Variants in CCDC63 observed in about 807,000 individuals in gnomAD.
The protein encoded by CCDC63 is coiled-coil domain containing 63.
A neutral mutation model predicts 63.6 loss-of-function variants in CCDC63; 54 were observed. The observed-to-expected ratio is 0.85, with a 90% CI of 0.68 to 1.07. The LOEUF (loss-of-function observed/expected upper bound fraction) is 1.07, where lower values mean the gene tolerates loss of function less well. Among genes scored for constraint, CCDC63 ranks in the 50% least tolerant of loss-of-function variants. CCDC63 has a pLI of 0.00. For synonymous variants in CCDC63, 253 were observed against 266.1 expected (o/e 0.95, Z 0.48); for missense variants, 637 against 689.6 (o/e 0.92, Z 0.86).
chr12:110,847,602 C>T (rs1179669123), intron 1 of CCDC63, among the ~76,000 whole-genome samples: 3 of 151,726 alleles, frequency 2.0e-5, no homozygotes, highest in Non-Finnish European at 4.4e-5. Context: ...TATTTTCCTC[C>T]CATAATAATC....
At chr12:110,875,100 A>G (rs1406214740) in intron 5 of CCDC63, among the ~76,000 whole-genome samples, 1 of 152,180 alleles carries the variant, frequency 6.6e-6, no homozygotes, top group Non-Finnish European at 1.5e-5. Context: ...GTGGGAGCTA[A>G]TTGGATCTGA....
rs869085659 is a variant in CCDC63, at chr12:110,877,704, C to CTT, written c.490-2200_490-2199dup. 1.3e-4 allele frequency among the ~76,000 whole-genome samples: 19 copies of CTT among 142,996 alleles called. 1 individual carries two copies. The highest frequency in any genetic ancestry group is 4.5e-4 in the African/African-American group (17 of 37,902). 93.8% of individuals were successfully genotyped at this position (142,996 alleles called of 152,430 possible). ...TATCTCTGTATATTTGACTTTCTTTCTTTCTTTTTTTTTTTTTTTGAGACT... is the reference window on the plus strand; with the variant it reads ...TATCTCTGTATATTTGACTTTCTTTCTTTTTCTTTTTTTTTTTTTTTGAGACT... On this transcript the variant is annotated intron_variant, in intron 5 of 11. Transcript: ENST00000308208.
At position 110,881,169 on chromosome 12, in the gene CCDC63, C is replaced by T. The variant is rs529799697; in HGVS notation, c.726C>T (p.Thr242=). ...AAMKDRQKKD[T]SQYNLEIREL... ...TGAAAGACCGCCAGAAGAAGGACAC[C>T]TCTCAGTACAACCTGGAGATCCGAG... The change falls in exon 7 of 12, where the codon ACC becomes ACT. Residue 242 remains threonine (T), a synonymous_variant. Coordinates refer to ENST00000308208, the MANE Select transcript of CCDC63 (RefSeq NM_152591.3). 2 of 1,613,116 alleles carry T rather than the reference C, an allele frequency of 1.2e-6. No homozygotes were observed. The highest frequency in any genetic ancestry group is 2.7e-5 in the African/African-American group (2 of 74,970).
chr12:110,850,063 CT>C (rs149174741), intron 1 of CCDC63, among the ~76,000 whole-genome samples: 95 of 152,362 alleles, frequency 6.2e-4, no homozygotes, highest in Non-Finnish European at 1.1e-3. Flanking sequence ...CCACATTTCA[CT>C]GGCTTAACAC....
chr12:110,880,028 GAT>G lies in CCDC63; in HGVS notation c.613_614del (p.Met205GlyfsTer10). On this transcript the variant is annotated frameshift_variant, in exon 6 of 12. Coordinates refer to ENST00000308208, the MANE Select transcript of CCDC63 (RefSeq NM_152591.3). LOFTEE classifies it high-confidence loss of function. ...ACCAGCAGCTCCAGCACTGCCTGTT[GAT>G]GGAGAAGAAAACCATGAACTTGGCC... ...VYQQLQHCLL[M>X]EKKTMNLAIE... 1.9e-6 allele frequency: 3 copies of G among 1,614,162 alleles called. No individual in the cohort carries two copies. Among genetic ancestry groups the G allele is most frequent in the Non-Finnish European group, 2.5e-6 (3 of 1,180,016 alleles).
chr12:110,862,728 G>C (rs968749554), intron 4 of CCDC63, among the ~76,000 whole-genome samples: 1 of 151,500 alleles, frequency 6.6e-6, no homozygotes, highest in African/African-American at 2.4e-5. Context: ...AAACAAATTG[G>C]TTGTTTTCTT....
At chr12:110,895,353 G>C (rs2071405407) in intron 9 of CCDC63, among the ~76,000 whole-genome samples, 1 of 152,206 alleles carries the variant, frequency 6.6e-6, no homozygotes, top group South Asian at 2.1e-4. Context: ...GACCTTAGGT[G>C]ATCCGCCCGC....
chr12:110,887,118 TA>T (rs1593683975), intron 8 of CCDC63, among the ~76,000 whole-genome samples: 1 of 151,966 alleles, frequency 6.6e-6, no homozygotes, highest in African/African-American at 2.4e-5. Context: ...ACTTTTTTTT[TA>T]AATTTTCTTT....
rs573479498 is a variant in CCDC63, at chr12:110,886,310, C to G, written c.1074+2060C>G. On this transcript the variant is annotated intron_variant, in intron 8 of 11. Transcript: ENST00000308208. ...CTGAGGCAGGAGAATCCTTTGAACC[C>G]GGGAGGTGGAGGTTGCAGTGAGCCG... 8.1e-4 allele frequency among the ~76,000 whole-genome samples: 123 copies of G among 151,930 alleles called. 1 individual carries two copies. Among genetic ancestry groups the G allele is most frequent in the Non-Finnish European group, 1.4e-3 (97 of 67,946 alleles).
chr12:110,904,797 T>A lies in CCDC63; in HGVS notation c.1546+6T>A, dbSNP rs1566143638. The A allele has an allele frequency of 6.2e-7, 1 of 1,600,932 alleles. No homozygotes were observed. The highest frequency in any genetic ancestry group is 1.7e-5 in the Admixed American group (1 of 57,210). ...CAGCGACAGGTTGGATGATGGTGAG[T>A]TCTCTCTCTCTCAATCTGCACAGGT... On this transcript the variant is annotated splice_donor_region_variant and intron_variant, in intron 11 of 11. Coordinates refer to ENST00000308208, the MANE Select transcript of CCDC63 (RefSeq NM_152591.3).
chr12:110,850,841 G>A (rs184091879), intron 1 of CCDC63, among the ~76,000 whole-genome samples: 16 of 152,260 alleles, frequency 1.1e-4, no homozygotes, highest in East Asian at 7.7e-4. Context: ...ATACTTGAGC[G>A]CAAATCGTTT....
chr12:110,890,170 G>A (rs769034363), intron 8 of CCDC63, among the ~76,000 whole-genome samples: 4 of 152,064 alleles, frequency 2.6e-5, no homozygotes, highest in Non-Finnish European at 4.4e-5. Flanking sequence ...TGGGTGTGAT[G>A]GTGTGTGCCT....
At chr12:110,856,993 C>G (rs1227801397) in intron 3 of CCDC63, among the ~76,000 whole-genome samples, 1 of 151,768 alleles carries the variant, frequency 6.6e-6, no homozygotes, top group East Asian at 1.9e-4. Context: ...TCTGTAGAGA[C>G]AGGGCCTCAC....
At chr12:110,868,617 A>G (rs1173238747) in intron 4 of CCDC63, among the ~76,000 whole-genome samples, 1 of 151,472 alleles carries the variant, frequency 6.6e-6, no homozygotes, top group African/African-American at 2.4e-5. Flanking sequence ...GGCATTCGGC[A>G]GACTGAGGCA....
chr12:110,867,690 G>T (rs1250941590), intron 4 of CCDC63, among the ~76,000 whole-genome samples: 6 of 96,508 alleles, frequency 6.2e-5, no homozygotes, highest in Non-Finnish European at 1.3e-4. Context: ...GGGGCGGCTG[G>T]CCGGGCGGAG....
intron 10 of CCDC63, 70 bp downstream of exon 10, chr12:110,899,195 C>G (rs190560353): frequency 1.0e-5 from 14 of 1,389,608 alleles, no homozygotes; most frequent in South Asian, 2.8e-5. Flanking sequence ...GAGCATAAGG[C>G]CTTGCTCTTA....
At chr12:110,846,818 C>T (rs553194123), upstream of CCDC63, 1 of 152,482 alleles carries the variant, frequency 6.6e-6, no homozygotes, top group Admixed American at 6.5e-5. Context: ...GAGTGTGTCG[C>T]CCCTCTCCCC....
intron 9 of CCDC63, among the ~76,000 whole-genome samples, chr12:110,896,526 G>A (rs540042174): frequency 1.1e-4 from 16 of 152,120 alleles, no homozygotes; most frequent in South Asian, 2.1e-4. Flanking sequence ...ATCATTATCC[G>A]GGATGGTGCG....
At chr12:110,879,401 A>G (rs1057256814) in intron 5 of CCDC63, among the ~76,000 whole-genome samples, 3 of 152,210 alleles carry the variant, frequency 2.0e-5, no homozygotes, top group Non-Finnish European at 4.4e-5. Context: ...TGGGTATTTA[A>G]TATCCCACAA....
Sources: allele counts gnomAD v4.1 joint callset (sites outside exome capture counted in the v4.1 genomes callset), GRCh38; gene constraint gnomAD v4.1.1; transcripts MANE v1.5; gene names NCBI Gene and HGNC (gene_info 2026-07-23, HGNC 2026-07-21).